The following SHISA9 variants were observed in gnomAD, a reference collection of about 807,000 sequenced individuals.
The protein encoded by SHISA9 is protein shisa-9.
In SHISA9, 13 loss-of-function variants were observed where a neutral mutation model predicts 38.0. That is an observed-to-expected ratio of 0.34 (90% confidence interval 0.22 to 0.54). The LOEUF (loss-of-function observed/expected upper bound fraction) is 0.54, where lower values mean the gene tolerates loss of function less well. SHISA9 is among the 20% of genes least tolerant of loss of function. SHISA9 has a pLI of 0.91. For synonymous variants in SHISA9, 275 were observed against 242.0 expected (o/e 1.14, Z -1.27); for missense variants, 538 against 575.8 (o/e 0.93, Z 0.67).
chr16:12,989,608 T>C (rs1203991141), intron 2 of SHISA9, among the ~76,000 whole-genome samples: 1 of 152,154 alleles, frequency 6.6e-6, no homozygotes, highest in Non-Finnish European at 1.5e-5. Flanking sequence ...CAGCCTGTTT[T>C]TTTCTAAGAA....
intron 2 of SHISA9, among the ~76,000 whole-genome samples, chr16:12,970,461 A>ATGTGTG (rs1247338051): frequency 1.6e-5 from 1 of 62,678 alleles, no homozygotes; most frequent in East Asian, 4.7e-4. Context: ...ATATACATAT[A>ATGTGTG]TGTGTGTGTA....
At chr16:13,036,921 C>T (rs913609915) in intron 2 of SHISA9, among the ~76,000 whole-genome samples, 13 of 152,020 alleles carry the variant, frequency 8.6e-5, no homozygotes, top group Admixed American at 3.9e-4. Flanking sequence ...ACGTAAAGCC[C>T]TATTTATATG....
the SHISA9 span, among the ~76,000 whole-genome samples, chr16:13,553,699 A>C: frequency 5.3e-5 from 8 of 152,298 alleles, no homozygotes; most frequent in African/African-American, 1.7e-4. Context: ...AAAATCGTGC[A>C]ACTGAATTCT....
the SHISA9 span, among the ~76,000 whole-genome samples, chr16:13,513,348 G>A: frequency 6.6e-6 from 1 of 152,320 alleles, no homozygotes; most frequent in East Asian, 1.9e-4. Flanking sequence ...ATAGATGCTG[G>A]CGAGGCTGTG....
At chr16:13,515,529 C>A in the SHISA9 span, among the ~76,000 whole-genome samples, 1 of 152,098 alleles carries the variant, frequency 6.6e-6, no homozygotes, top group Non-Finnish European at 1.5e-5. Flanking sequence ...AAGACTCATA[C>A]GAGTGTCATA....
chr16:13,490,060 G>A, the SHISA9 span, among the ~76,000 whole-genome samples: 2 of 152,118 alleles, frequency 1.3e-5, no homozygotes, highest in Non-Finnish European at 2.9e-5. Flanking sequence ...AATTTCATAT[G>A]GTAGGAACAT....
Position 13,235,161 on chromosome 16 carries a change from G to C in SHISA9, c.1027G>C (p.Ala343Pro). Reference sequence around the variant, plus strand: ...GGCCTTCAGCCCTGAGCACGGTCCTGCCAAGCAGAATGGACAGAAGTCCCG... The same window carrying C: ...GGCCTTCAGCCCTGAGCACGGTCCTCCCAAGCAGAATGGACAGAAGTCCCG... ...PRAFSPEHGPAKQNGQKSRTN... is the reference protein window; with the variant it reads ...PRAFSPEHGPPKQNGQKSRTN... The change falls in exon 5 of 5, where the codon GCC becomes CCC. Residue 343 changes from alanine (A) to proline (P), a missense_variant. By Grantham distance (27) the Ala-to-Pro change is conservative. This residue lies in a region of SHISA9 where 326 missense variants were observed against 305.9 expected (regional missense o/e 1.07). Coordinates refer to ENST00000558583, the MANE Select transcript of SHISA9 (RefSeq NM_001145204.3). 1 of 1,551,756 alleles carries C rather than the reference G, an allele frequency of 6.4e-7. No homozygotes were observed.
At chr16:13,433,411 T>C in the SHISA9 span, among the ~76,000 whole-genome samples, 2 of 152,250 alleles carry the variant, frequency 1.3e-5, no homozygotes, top group African/African-American at 4.8e-5. Flanking sequence ...AAAATGTAGT[T>C]AGTGCTGTGT....
chr16:12,949,753 T>C (rs1383051782), intron 2 of SHISA9, among the ~76,000 whole-genome samples: 1 of 152,234 alleles, frequency 6.6e-6, no homozygotes, highest in Non-Finnish European at 1.5e-5. Context: ...ATAATAATTG[T>C]ACATATTTGT....
chr16:13,376,505 C>G, the SHISA9 span, among the ~76,000 whole-genome samples: 45 of 152,294 alleles, frequency 3.0e-4, no homozygotes, highest in African/African-American at 1.1e-3. Context: ...GCTTTTACCT[C>G]TATAACCAGA....
At chr16:12,975,650 C>CGG (rs796430576) in intron 2 of SHISA9, among the ~76,000 whole-genome samples, 79 of 8,134 alleles carry the variant, frequency 9.7e-3, no homozygotes, top group East Asian at 0.043. Context: ...TGGGGTGGGA[C>CGG]GGGGGCGGGG....
chr16:13,406,027 G>C, the SHISA9 span, among the ~76,000 whole-genome samples: 1 of 151,196 alleles, frequency 6.6e-6, no homozygotes, highest in African/African-American at 2.4e-5. Flanking sequence ...TTTCTACACA[G>C]CAGAAGGAAT....
chr16:13,085,156 G>C (rs952115713), intron 2 of SHISA9, among the ~76,000 whole-genome samples: 1 of 152,120 alleles, frequency 6.6e-6, no homozygotes, highest in South Asian at 2.1e-4. Context: ...GACTCAACTG[G>C]CAGCATTGCA....
the SHISA9 span, among the ~76,000 whole-genome samples, chr16:13,473,774 C>T: frequency 6.6e-6 from 1 of 152,150 alleles, no homozygotes; most frequent in Non-Finnish European, 1.5e-5. Flanking sequence ...TTCAGTAAAT[C>T]TAGTAGTAGC....
At chr16:12,909,327 A>G in intron 1 of SHISA9, 1 of 985,480 alleles carries the variant, frequency 1.0e-6, no homozygotes, top group Non-Finnish European at 1.2e-6. Flanking sequence ...AAGCTCACTC[A>G]TGCCCATTGC....
At chr16:13,256,852 G>T in the SHISA9 span, among the ~76,000 whole-genome samples, 1 of 152,208 alleles carries the variant, frequency 6.6e-6, no homozygotes, top group Non-Finnish European at 1.5e-5. Context: ...GACTGAAAAC[G>T]TTCCTTTGGT....
the SHISA9 span, among the ~76,000 whole-genome samples, chr16:13,551,393 C>G: frequency 2.0e-5 from 3 of 152,174 alleles, no homozygotes; most frequent in African/African-American, 7.2e-5. Flanking sequence ...TCCCGACACA[C>G]TTTGGATTTG....
At chr16:13,014,625 C>T (rs1208022841) in intron 2 of SHISA9, among the ~76,000 whole-genome samples, 1 of 151,764 alleles carries the variant, frequency 6.6e-6, no homozygotes, top group Admixed American at 6.5e-5. Flanking sequence ...AGCATCTCAT[C>T]TCGGGTTACT....
intron 2 of SHISA9, among the ~76,000 whole-genome samples, chr16:13,135,056 T>C (rs71390324): frequency 9.3e-4 from 142 of 152,312 alleles, no homozygotes; most frequent in Non-Finnish European, 1.9e-3. Context: ...GCAAGTCACA[T>C]GACTCACCTT....
Sources: gnomAD v4.1 joint callset for allele counts (sites outside exome capture counted in the v4.1 genomes callset) on GRCh38, gnomAD v4.1.1 for gene constraint, gnomAD v4.1.1 regional missense constraint, MANE v1.5 for transcripts, NCBI Gene and HGNC (gene_info 2026-07-23, HGNC 2026-07-21) for gene names.